Variants in GPR174 observed in about 807,000 individuals in gnomAD.
GPR174 encodes probable G protein-coupled receptor 174.
In GPR174, 8 loss-of-function variants were observed where a neutral mutation model predicts 16.5. That is an observed-to-expected ratio of 0.48 (90% CI 0.28 to 0.87). The LOEUF is 0.87. GPR174 is among the 40% of genes least tolerant of loss of function. The pLI is 0.09. For synonymous variants in GPR174, 111 were observed against 94.8 expected (o/e 1.17, Z -0.99); for missense variants, 214 against 247.5 (o/e 0.86, Z 0.91).
intron 2 of GPR174, among the ~76,000 whole-genome samples, chrX:79,167,094 A>T (rs900397483): frequency 1.8e-5 from 2 of 112,140 alleles, no homozygotes; most frequent in African/African-American, 6.5e-5. Flanking sequence ...ATTTAAGCAG[A>T]GAGAAAGTCA....
chrX:79,156,759 C>T (rs1921108710), intron 1 of GPR174, 63 bp from the exon 2 acceptor site: 1 of 111,844 alleles, frequency 8.9e-6, no homozygotes, highest in Non-Finnish European at 1.9e-5. Context: ...CTGAAATTTC[C>T]CAGCCATCTC....
chrX:79,171,925 A>G lies in GPR174; in HGVS notation c.918A>G (p.Gln306=). 8.3e-7 allele frequency: 1 copy of G among 1,211,103 alleles called. No individual in the cohort carries two copies. Among genetic ancestry groups the G allele is most frequent in the Non-Finnish European group, 1.1e-6 (1 of 895,066 alleles). ...AGTTCCGAAGACGGCTTTCAAGACAAGATTTGCATGACAGCATCCAACTCC... is the reference window on the plus strand; with the variant it reads ...AGTTCCGAAGACGGCTTTCAAGACAGGATTTGCATGACAGCATCCAACTCC... The part of the protein sequence containing the change: ...TNEFRRRLSR[Q]DLHDSIQLHA... Residue 306 remains glutamine (Q), a synonymous_variant, in exon 3 of 3, where the codon CAA becomes CAG. Coordinates refer to ENST00000645147, the MANE Select transcript of GPR174 (RefSeq NM_032553.3).
chrX:79,171,612 T>C lies in GPR174; in HGVS notation c.605T>C (p.Leu202Pro). The C allele has an allele frequency of 8.3e-7, 1 of 1,211,697 alleles. No homozygotes were observed. ...TTTGTAACTCCGCTTCTGATTGTCCTATATTGTACCTGGAAGACGGTTTTA... is the reference window on the plus strand; with the variant it reads ...TTTGTAACTCCGCTTCTGATTGTCCCATATTGTACCTGGAAGACGGTTTTA... Reference protein sequence around the residue: ...IGFVTPLLIVLYCTWKTVLSL... With the variant: ...IGFVTPLLIVPYCTWKTVLSL... Residue 202 changes from leucine (L) to proline (P), a missense_variant, in exon 3 of 3, where the codon CTA (leucine) becomes CCA (proline). By Grantham distance (98) the Leu-to-Pro change is moderately conservative. Transcript: ENST00000645147.
intron 1 of GPR174, among the ~76,000 whole-genome samples, chrX:79,155,775 A>G (rs1186854250): frequency 8.9e-6 from 1 of 112,209 alleles, no homozygotes; most frequent in Non-Finnish European, 1.9e-5. Flanking sequence ...GATTCCTTCA[A>G]AAGTTATCAT....
At position 79,144,760 on chromosome X, in the gene GPR174, T is replaced by C. The variant is rs980287177; in HGVS notation, c.-1111T>C. ...CTATGCTTTTCAACATGATAGTGGT[T>C]AGATATTCCTGATAATTTTAATTTT... On this transcript the variant is annotated 5_prime_UTR_variant, in exon 1 of 3. Coordinates refer to ENST00000645147, the MANE Select transcript of GPR174 (RefSeq NM_032553.3). 9.0e-6 allele frequency: 1 copy of C among 111,390 alleles called. No homozygotes were observed. Among genetic ancestry groups the C allele is most frequent in the Non-Finnish European group, 1.9e-5 (1 of 52,976 alleles). The allele number at this position is 111,390 out of a possible 1,213,427, so 9.2% of individuals were successfully genotyped here.
chrX:79,158,184 T>G (rs1234860471), intron 2 of GPR174, among the ~76,000 whole-genome samples: 2 of 106,510 alleles, frequency 1.9e-5, no homozygotes, highest in Non-Finnish European at 3.9e-5. Context: ...TCTTTTTTTT[T>G]TTGTTATACC....
chrX:79,171,912 G>T lies in GPR174; in HGVS notation c.905G>T (p.Arg302Leu). The T allele has an allele frequency of 1.7e-6, 2 of 1,210,524 alleles. No individual in the cohort carries two copies. The highest frequency in any genetic ancestry group is 3.5e-5 in the South Asian group (2 of 56,856). ...TTTTCCACTAATGAGTTCCGAAGAC[G>T]GCTTTCAAGACAAGATTTGCATGAC... ...YYFSTNEFRR[R>L]LSRQDLHDSI... The change falls in exon 3 of 3, where the codon CGG becomes CTG. Residue 302 changes from arginine to leucine, a missense_variant. Transcript: ENST00000645147.
intron 1 of GPR174, among the ~76,000 whole-genome samples, chrX:79,150,809 C>T (rs1478419526): frequency 1.8e-5 from 2 of 111,534 alleles, no homozygotes; most frequent in East Asian, 5.6e-4. Context: ...TTGGCCTTTT[C>T]CTATTCCCAC....
intron 2 of GPR174, among the ~76,000 whole-genome samples, chrX:79,168,054 T>C (rs763426209): frequency 2.7e-5 from 3 of 112,319 alleles, no homozygotes; most frequent in Non-Finnish European, 5.6e-5. Flanking sequence ...TTTTATTACT[T>C]TGAAGATTTT....
intron 2 of GPR174, among the ~76,000 whole-genome samples, chrX:79,159,046 G>A (rs1921170298): frequency 9.1e-6 from 1 of 110,462 alleles, no homozygotes; most frequent in African/African-American, 3.3e-5. Flanking sequence ...AATTTTAAAA[G>A]ATTAAACATA....
Position 79,170,821 on chromosome X carries a change from A to C in GPR174, c.-187A>C, listed in dbSNP as rs1921493874. The C allele has an allele frequency of 4.7e-6, 2 of 428,534 alleles. No homozygotes were observed. Among genetic ancestry groups the C allele is most frequent in the Non-Finnish European group, 4.0e-6 (1 of 249,337 alleles). The allele number at this position is 428,534 out of a possible 1,213,427, so 35.3% of individuals were successfully genotyped here. The stretch of plus-strand genomic sequence containing the variant: ...CTAGAGAAATCTAAATCAAAAATGC[A>C]GATCATTCTTTGAAAAATCCCCAAA... On this transcript the variant is annotated 5_prime_UTR_variant, in exon 3 of 3. Coordinates refer to ENST00000645147, the MANE Select transcript of GPR174 (RefSeq NM_032553.3).
At position 79,174,064 on chromosome X, in the gene GPR174, A is replaced by G. The variant is rs1921581256; in HGVS notation, c.*2055A>G. The G allele has an allele frequency of 9.0e-6, 1 of 111,208 alleles. No individual in the cohort carries two copies. Among genetic ancestry groups the G allele is most frequent in the Non-Finnish European group, 1.9e-5 (1 of 53,045 alleles). 9.2% of individuals were successfully genotyped at this position (111,208 alleles called of 1,213,427 possible). On this transcript the variant is annotated 3_prime_UTR_variant, in exon 3 of 3. Coordinates refer to ENST00000645147, the MANE Select transcript of GPR174 (RefSeq NM_032553.3). ...GAAGATGATTGATTTGATTTAATTAACATATTGATTTCACTTTGACTATAT... is the reference window on the plus strand; with the variant it reads ...GAAGATGATTGATTTGATTTAATTAGCATATTGATTTCACTTTGACTATAT...
rs1926461093 is a variant in GPR174, at chrX:79,144,995, TCTCTCTCTC to T, written c.-875_-867del. The stretch of plus-strand genomic sequence containing the variant: ...TTCTTTCTTTTTCTTTCTTTCTTTC[TCTCTCTCTC>T]TCTTTCTTTCTTTCTTTCTTTCTTT... On this transcript the variant is annotated 5_prime_UTR_variant, in exon 1 of 3. Transcript: ENST00000645147. 2.4e-5 allele frequency: 1 copy of T among 41,254 alleles called. No individual in the cohort carries two copies. Among genetic ancestry groups the T allele is most frequent in the East Asian group, 5.3e-3 (1 of 188 alleles). 3.4% of individuals were successfully genotyped at this position (41,254 alleles called of 1,213,427 possible).
intron 1 of GPR174, among the ~76,000 whole-genome samples, chrX:79,145,841 A>G (rs1926490194): frequency 8.9e-6 from 1 of 111,937 alleles, no homozygotes; most frequent in African/African-American, 3.2e-5. Flanking sequence ...AAACTTGTTT[A>G]TAATGAGAGA....
chrX:79,155,744 G>A (rs184852680), intron 1 of GPR174, among the ~76,000 whole-genome samples: 6 of 112,025 alleles, frequency 5.4e-5, no homozygotes, highest in Admixed American at 3.8e-4. Context: ...GCTGGCATTA[G>A]AACGCAAGTC....
intron 2 of GPR174, among the ~76,000 whole-genome samples, chrX:79,159,742 A>G (rs1921189315): frequency 8.9e-6 from 1 of 112,058 alleles, no homozygotes; most frequent in South Asian, 3.7e-4. Context: ...CTAATATTAT[A>G]TACCCATACA....
intron 2 of GPR174, among the ~76,000 whole-genome samples, chrX:79,162,338 G>A (rs1921254565): frequency 2.7e-5 from 3 of 110,260 alleles, no homozygotes; most frequent in East Asian, 5.6e-4. Flanking sequence ...CAAATTTCCC[G>A]GCAGATAGGC....
At chrX:79,169,405 G>A (rs1480900990) in intron 2 of GPR174, among the ~76,000 whole-genome samples, 2 of 111,264 alleles carry the variant, frequency 1.8e-5, no homozygotes, top group African/African-American at 3.3e-5. Context: ...GAGAAATCTC[G>A]GGTATTTAAT....
chrX:79,170,732 A>G lies in GPR174; in HGVS notation c.-276A>G. The stretch of plus-strand genomic sequence containing the variant: ...GATGTCCCAGAGGGCCTTAAAATAA[A>G]CAAGAGGGGAAATTGTAACAGCTTG... On this transcript the variant is annotated 5_prime_UTR_variant, in exon 3 of 3. Coordinates refer to ENST00000645147, the MANE Select transcript of GPR174 (RefSeq NM_032553.3). The G allele has an allele frequency of 3.0e-6, 1 of 328,310 alleles. No individual in the cohort carries two copies. The highest frequency in any genetic ancestry group is 5.2e-6 in the Non-Finnish European group (1 of 190,953). 27.1% of individuals were successfully genotyped at this position (328,310 alleles called of 1,213,427 possible).
Sources: allele counts gnomAD v4.1 joint callset (sites outside exome capture counted in the v4.1 genomes callset), GRCh38; gene constraint gnomAD v4.1.1; transcripts MANE v1.5; gene names NCBI Gene and HGNC (gene_info 2026-07-23, HGNC 2026-07-21).